Variants in RAD50 observed in about 807,000 individuals in gnomAD.
RAD50 encodes DNA repair protein RAD50.
Under a neutral mutation model 168.8 loss-of-function variants are expected in RAD50, and 132 were observed. That is an observed-to-expected ratio of 0.78 (90% CI 0.68 to 0.90). The LOEUF is 0.90. Among genes scored for constraint, RAD50 ranks in the 40% least tolerant of loss-of-function variants. The probability of loss-of-function intolerance (pLI) is 0.00; values close to 1 mark genes in which losing one functional copy is unlikely to be tolerated. For synonymous variants in RAD50, 525 were observed against 497.4 expected (o/e 1.06, Z -0.74); for missense variants, 1,347 against 1,534.4 (o/e 0.88, Z 2.04).
intron 2 of RAD50, among the ~76,000 whole-genome samples, chr5:132,567,227 A>G (rs1750224591): frequency 6.6e-6 from 1 of 152,208 alleles, no homozygotes; most frequent in Admixed American, 6.5e-5. Context: ...TTGGGTTGCA[A>G]CAAAATAATG....
intron 23 of RAD50, among the ~76,000 whole-genome samples, chr5:132,640,039 G>A (rs1269498676): frequency 6.6e-6 from 1 of 152,158 alleles, no homozygotes; most frequent in Non-Finnish European, 1.5e-5. Flanking sequence ...TGGTTTCAGT[G>A]GGTCTGAGGG....
At chr5:132,634,731 T>G (rs1356754606) in intron 21 of RAD50, among the ~76,000 whole-genome samples, 1 of 152,232 alleles carries the variant, frequency 6.6e-6, no homozygotes, top group Non-Finnish European at 1.5e-5. Flanking sequence ...GAAAACATTC[T>G]TTGATTTTTC....
At chr5:132,635,040 T>C (rs777406227) in intron 21 of RAD50, among the ~76,000 whole-genome samples, 1 of 152,188 alleles carries the variant, frequency 6.6e-6, no homozygotes, top group Non-Finnish European at 1.5e-5. Context: ...GGGAGCTAGG[T>C]GTGTCTTGAA....
At chr5:132,565,718 CT>C (rs1247563200) in intron 2 of RAD50, among the ~76,000 whole-genome samples, 4 of 152,302 alleles carry the variant, frequency 2.6e-5, no homozygotes, top group East Asian at 3.9e-4. Flanking sequence ...TGACTTCCCC[CT>C]AGCCGACTTA....
rs1280542616 is a variant in RAD50, at chr5:132,645,534, T to C, written c.*3170T>C. The C allele has an allele frequency of 6.6e-6, 1 of 152,234 alleles. No individual in the cohort carries two copies. Among genetic ancestry groups the C allele is most frequent in the African/African-American group, 2.4e-5 (1 of 41,448 alleles). The allele number at this position is 152,234 out of a possible 1,614,324, so 9.4% of individuals were successfully genotyped here. On this transcript the variant is annotated 3_prime_UTR_variant, in exon 25 of 25. Coordinates refer to ENST00000378823, the MANE Select transcript of RAD50 (RefSeq NM_005732.4). ...TATTTGGTGATCTCATCCAGTCTCATAGCTTTAAATTATCTTAGTTTGGGT... is the reference window on the plus strand; with the variant it reads ...TATTTGGTGATCTCATCCAGTCTCACAGCTTTAAATTATCTTAGTTTGGGT...
At chr5:132,562,740 A>G (rs1208046250) in intron 2 of RAD50, among the ~76,000 whole-genome samples, 3 of 152,176 alleles carry the variant, frequency 2.0e-5, no homozygotes, top group Non-Finnish European at 4.4e-5. Context: ...GTAGTTCCAC[A>G]TAGTTAATTT....
intron 3 of RAD50, among the ~76,000 whole-genome samples, chr5:132,577,654 T>A (rs1257065129): frequency 2.0e-5 from 3 of 152,198 alleles, no homozygotes; most frequent in African/African-American, 7.2e-5. Context: ...TCCTTTTTTT[T>A]GCTCTGTATT....
intron 21 of RAD50, among the ~76,000 whole-genome samples, chr5:132,635,021 T>C (rs1168292679): frequency 6.6e-6 from 1 of 152,212 alleles, no homozygotes; most frequent in African/African-American, 2.4e-5. Context: ...TGTCATACCT[T>C]ATATACTTGG....
At chr5:132,578,144 A>G (rs560972848) in intron 3 of RAD50, among the ~76,000 whole-genome samples, 4 of 152,208 alleles carry the variant, frequency 2.6e-5, no homozygotes, top group South Asian at 2.1e-4. Flanking sequence ...AGTTGTTTCA[A>G]AGACAACTTA....
At chr5:132,564,447 T>C (rs1480348097) in intron 2 of RAD50, among the ~76,000 whole-genome samples, 2 of 152,152 alleles carry the variant, frequency 1.3e-5, no homozygotes, top group African/African-American at 4.8e-5. Context: ...AAAGAGATGA[T>C]TTAGAGTATT....
chr5:132,579,732 A>G (rs1341453893), intron 4 of RAD50, 130 bp from the exon 5 acceptor site: 8 of 920,100 alleles, frequency 8.7e-6, no homozygotes, highest in East Asian at 7.9e-5. Context: ...CCATTATGTC[A>G]TAGGCATTTT....
intron 2 of RAD50, among the ~76,000 whole-genome samples, chr5:132,572,816 A>G (rs1383695937): frequency 6.6e-6 from 1 of 152,210 alleles, no homozygotes; most frequent in Admixed American, 6.5e-5. Context: ...AACTTTTTGT[A>G]GATACTTTGC....
chr5:132,608,603 T>C lies in RAD50; in HGVS notation c.2719-12T>C, dbSNP rs756313503. 3.9e-6 allele frequency: 6 copies of C among 1,541,398 alleles called. No homozygotes were observed. ...AATATTATATAATACTTTATCTTTT[T>C]TATATTTTTAGGATGCTAAAGAGCA... On this transcript the variant is annotated splice_polypyrimidine_tract_variant and intron_variant, in intron 16 of 24. Transcript: ENST00000378823.
chr5:132,624,219 G>GT (rs1262574293), intron 21 of RAD50, among the ~76,000 whole-genome samples: 11 of 152,098 alleles, frequency 7.2e-5, no homozygotes, highest in African/African-American at 2.7e-4. Context: ...GAGAACTTTT[G>GT]TTTTTTAACT....
Position 132,609,213 on chromosome 5 carries a change from A to G in RAD50, c.2922+4A>G, listed in dbSNP as rs2149849754. On this transcript the variant is annotated splice_donor_region_variant and intron_variant, in intron 18 of 24. Transcript: ENST00000378823. ...TGGGAAAGACGACTATAAGAAGGTA[A>G]TTTAAAACTTAAAATTATTTATTTG... 2 of 1,609,692 alleles carry G rather than the reference A, an allele frequency of 1.2e-6. No individual in the cohort carries two copies. The highest frequency in any genetic ancestry group is 1.7e-6 in the Non-Finnish European group (2 of 1,177,990).
intron 21 of RAD50, among the ~76,000 whole-genome samples, chr5:132,625,226 A>G (rs10038841): frequency 0.047 from 7,114 of 150,044 alleles, 551 homozygotes; most frequent in African/African-American, 0.16. Flanking sequence ...AGCTGGGACT[A>G]CAGGCGCCCG....
Position 132,557,209 on chromosome 5 carries a change from C to T in RAD50, c.-116C>T, listed in dbSNP as rs1750014406. On this transcript the variant is annotated 5_prime_UTR_variant, in exon 1 of 25. Transcript: ENST00000378823. The stretch of plus-strand genomic sequence containing the variant: ...CAGTCCTGTGGCCTCGCTCCCCGCC[C>T]GGATCCTCCTGACCCTGAGATTCGC... 12 of 1,434,198 alleles carry T rather than the reference C, an allele frequency of 8.4e-6. No homozygotes were observed. The South Asian group carries it at 1.4e-4, about 17-fold the overall frequency. The allele number at this position is 1,434,198 out of a possible 1,614,324, so 88.8% of individuals were successfully genotyped here.
rs2149829941 is a variant in RAD50 at position 132,557,233 on chromosome 5, G to C, written c.-92G>C. The C allele has an allele frequency of 2.6e-6, 4 of 1,526,310 alleles. No homozygotes were observed. Among genetic ancestry groups the C allele is most frequent in the Non-Finnish European group, 3.6e-6 (4 of 1,101,078 alleles). 94.5% of individuals were successfully genotyped at this position (1,526,310 alleles called of 1,614,324 possible). ...CCGGATCCTCCTGACCCTGAGATTCGCGGGTCTCACGTCCCGTGCACGCCT... is the reference window on the plus strand; with the variant it reads ...CCGGATCCTCCTGACCCTGAGATTCCCGGGTCTCACGTCCCGTGCACGCCT... On this transcript the variant is annotated 5_prime_UTR_variant, in exon 1 of 25. Transcript: ENST00000378823.
Position 132,587,650 on chromosome 5 carries a change from T to C in RAD50, c.845T>C (p.Met282Thr). The change falls in exon 6 of 25, where the codon ATG becomes ACG. Residue 282 changes from methionine to threonine, a missense_variant. This residue lies in a region of RAD50 where 703 missense variants were observed against 767.7 expected (regional missense o/e 0.92). Transcript: ENST00000378823. ...IKALDSRKKQ[M>T]EKDNSELEEK... The stretch of plus-strand genomic sequence containing the variant: ...GCCTTGGATAGCCGAAAGAAGCAAA[T>C]GGAGAAAGATAATAGTGAACTGGAA... 6.2e-7 allele frequency: 1 copy of C among 1,613,660 alleles called. No individual in the cohort carries two copies. Among genetic ancestry groups the C allele is most frequent in the Non-Finnish European group, 8.5e-7 (1 of 1,179,828 alleles).
Sources: allele counts gnomAD v4.1 joint callset (sites outside exome capture counted in the v4.1 genomes callset), GRCh38; gene constraint gnomAD v4.1.1; regional missense constraint gnomAD v4.1.1; transcripts MANE v1.5; gene names NCBI Gene and HGNC (gene_info 2026-07-23, HGNC 2026-07-21).